The following FER variants were observed in gnomAD, a reference collection of about 807,000 sequenced individuals.
FER encodes FER tyrosine kinase.
FER carries 63 observed loss-of-function variants against 111.0 expected under a neutral mutation model. The observed-to-expected ratio is 0.57, with a 90% CI of 0.46 to 0.70. FER has a LOEUF of 0.70. Ranked by LOEUF, FER falls within the 30% of genes least tolerant of loss-of-function variation. The pLI, the probability that FER is intolerant of heterozygous loss-of-function variation, is 0.00. For missense variants in FER, 914 were observed against 954.0 expected, an observed-to-expected ratio of 0.96 and a Z score of 0.55; for synonymous variants, 327 against 313.9, an observed-to-expected ratio of 1.04 and a Z score of -0.44.
intron 13 of FER, among the ~76,000 whole-genome samples, chr5:109,008,897 G>A (rs1765848118): frequency 6.6e-6 from 1 of 152,076 alleles, no homozygotes; most frequent in Non-Finnish European, 1.5e-5. Context: ...TTGAACCTGG[G>A]AGGCAGAGGT....
chr5:108,811,898 A>T (rs1403257919), intron 3 of FER, among the ~76,000 whole-genome samples: 1 of 152,112 alleles, frequency 6.6e-6, no homozygotes, highest in Non-Finnish European at 1.5e-5. Flanking sequence ...CTGTCAATAG[A>T]TTCGATAATG....
At chr5:109,052,981 A>G (rs1455750727) in intron 16 of FER, among the ~76,000 whole-genome samples, 10 of 152,234 alleles carry the variant, frequency 6.6e-5, no homozygotes, top group Non-Finnish European at 2.9e-5. Context: ...TTATAGCATC[A>G]TGCTTCAGTC....
chr5:109,163,398 T>C (rs1254766589), intron 17 of FER, among the ~76,000 whole-genome samples: 2 of 152,136 alleles, frequency 1.3e-5, no homozygotes, highest in African/African-American at 2.4e-5. Flanking sequence ...TGAGAAAATA[T>C]CTAGAAGGTG....
chr5:108,777,354 T>C (rs181402257), intron 2 of FER, among the ~76,000 whole-genome samples: 201 of 152,346 alleles, frequency 1.3e-3, no homozygotes, highest in African/African-American at 4.3e-3. Flanking sequence ...TTCCACCCAC[T>C]ACATATCCTC....
chr5:108,969,623 T>A (rs1180301655), intron 13 of FER, among the ~76,000 whole-genome samples: 1 of 149,048 alleles, frequency 6.7e-6, no homozygotes, highest in African/African-American at 2.6e-5. Context: ...TTTTGAACAC[T>A]GTGAATGTAT....
chr5:109,072,393 C>T (rs751710365), intron 16 of FER, among the ~76,000 whole-genome samples: 5 of 150,512 alleles, frequency 3.3e-5, no homozygotes, highest in East Asian at 2.0e-4. Context: ...TGGCAACAAC[C>T]GCGATTACTT....
intron 3 of FER, among the ~76,000 whole-genome samples, chr5:108,804,990 G>T (rs1009999384): frequency 4.0e-5 from 6 of 151,356 alleles, no homozygotes; most frequent in African/African-American, 1.5e-4. Context: ...AATTGGATAG[G>T]TTTTTTATTA....
At chr5:108,841,159 A>G (rs989425181) in intron 5 of FER, among the ~76,000 whole-genome samples, 8 of 152,326 alleles carry the variant, frequency 5.3e-5, no homozygotes, top group African/African-American at 1.4e-4. Context: ...GAACCCTTTA[A>G]GGTAATGCTG....
chr5:108,888,161 G>A (rs1747456503), intron 9 of FER, among the ~76,000 whole-genome samples: 1 of 151,814 alleles, frequency 6.6e-6, no homozygotes, highest in South Asian at 2.1e-4. Context: ...CTAGAATAGT[G>A]TTCTAGTTTT....
intron 1 of FER, among the ~76,000 whole-genome samples, chr5:108,760,963 C>A (rs1054335711): frequency 1.3e-5 from 2 of 151,416 alleles, no homozygotes; most frequent in African/African-American, 4.9e-5. Context: ...TGGAGTCTCG[C>A]TCTGTTGCCC....
chr5:108,976,118 A>G (rs1242594117), intron 13 of FER, among the ~76,000 whole-genome samples: 2 of 152,168 alleles, frequency 1.3e-5, no homozygotes, highest in African/African-American at 2.4e-5. Context: ...GCATGCGACA[A>G]GGGCCTATGA....
chr5:108,924,175 G>A (rs1753413250), intron 10 of FER, among the ~76,000 whole-genome samples: 1 of 151,932 alleles, frequency 6.6e-6, no homozygotes, highest in East Asian at 1.9e-4. Context: ...TGGCCAACAT[G>A]GTAAAACCCC....
intron 1 of FER, among the ~76,000 whole-genome samples, chr5:108,762,421 C>T (rs1040367172): frequency 3.9e-5 from 6 of 152,126 alleles, no homozygotes; most frequent in African/African-American, 7.2e-5. Flanking sequence ...CATCCTGGTT[C>T]GGCAACATCC....
intron 5 of FER, among the ~76,000 whole-genome samples, chr5:108,849,786 T>C (rs7710650): frequency 0.012 from 1,789 of 152,306 alleles, 22 homozygotes; most frequent in African/African-American, 0.025. Context: ...TTAACATTTC[T>C]AATAAAGCTA....
chr5:109,030,611 G>T (rs1045051009), intron 13 of FER, among the ~76,000 whole-genome samples: 51 of 152,254 alleles, frequency 3.3e-4, no homozygotes, highest in African/African-American at 1.1e-3. Flanking sequence ...CTGCCTCTAG[G>T]AGTAGAGGGA....
chr5:109,149,594 C>A (rs60295388), intron 17 of FER, among the ~76,000 whole-genome samples: 4,859 of 151,782 alleles, frequency 0.032, 285 homozygotes, highest in African/African-American at 0.11. Context: ...AATCAAGAAA[C>A]TCACAGTGGT....
intron 9 of FER, among the ~76,000 whole-genome samples, chr5:108,887,272 A>G (rs1747313968): frequency 2.0e-5 from 3 of 151,754 alleles, no homozygotes; most frequent in Admixed American, 6.6e-5. Flanking sequence ...ATATGAGACT[A>G]AAACCACATT....
chr5:109,118,292 A>G (rs967257907), intron 17 of FER, among the ~76,000 whole-genome samples: 15 of 152,142 alleles, frequency 9.9e-5, no homozygotes, highest in Non-Finnish European at 2.1e-4. Context: ...GGTTCTGTTT[A>G]TATGCTGGAT....
At chr5:109,167,617 C>T (rs1051269601) in intron 17 of FER, among the ~76,000 whole-genome samples, 3 of 152,162 alleles carry the variant, frequency 2.0e-5, no homozygotes, top group Admixed American at 1.3e-4. Context: ...CAAATGTAGA[C>T]CCAAATTACT....
Sources: gnomAD v4.1 joint callset for allele counts (sites outside exome capture counted in the v4.1 genomes callset) on GRCh38, gnomAD v4.1.1 for gene constraint, MANE v1.5 for transcripts, NCBI Gene and HGNC (gene_info 2026-07-23, HGNC 2026-07-21) for gene names.